The following MLPH variants were observed in gnomAD, a reference collection of about 807,000 sequenced individuals.
MLPH encodes melanophilin, also known as exophilin-3.
A neutral mutation model predicts 72.1 loss-of-function variants in MLPH; 51 were observed. The ratio of observed to expected loss-of-function variants is 0.71; its 90% CI spans 0.56 to 0.89. The LOEUF is 0.89. Ranked by LOEUF, MLPH falls within the 40% of genes least tolerant of loss-of-function variation. The probability of loss-of-function intolerance (pLI) is 0.00; values close to 1 mark genes in which losing one functional copy is unlikely to be tolerated. For synonymous variants in MLPH, 301 were observed against 310.1 expected, an observed-to-expected ratio of 0.97 and a Z score of 0.31; for missense variants, 743 against 759.9, an observed-to-expected ratio of 0.98 and a Z score of 0.26.
chr2:237,489,959 C>G (rs573162470), intron 1 of MLPH, among the ~76,000 whole-genome samples: 2 of 152,370 alleles, frequency 1.3e-5, no homozygotes, highest in East Asian at 3.9e-4. Context: ...TCCCGTCCCT[C>G]TGCCCCACTA....
intron 1 of MLPH, among the ~76,000 whole-genome samples, chr2:237,488,441 G>T (rs915044428): frequency 1.3e-5 from 2 of 152,060 alleles, no homozygotes; most frequent in African/African-American, 4.8e-5. Flanking sequence ...GCCTGCATCT[G>T]TCCTAGGAAA....
In MLPH at chr2:237,553,531, G is replaced by A. The variant is rs899007358; in HGVS notation, c.1777-35G>A. On this transcript the variant is annotated intron_variant, in intron 15 of 15. Coordinates refer to ENST00000264605, the MANE Select transcript of MLPH (RefSeq NM_024101.7). ...CTGTGTTACATGCCTGTGTATGTGTGTGCTTATATGTGCATGTGTGTTTGT... is the reference window on the plus strand; with the variant it reads ...CTGTGTTACATGCCTGTGTATGTGTATGCTTATATGTGCATGTGTGTTTGT... The A allele has an allele frequency of 4.4e-6, 7 of 1,606,054 alleles. No homozygotes were observed. The African/African-American group carries it at 6.7e-5, about 15-fold the overall frequency.
chr2:237,510,483 CTGTG>C lies in MLPH; in HGVS notation c.111-81_111-78del, dbSNP rs145624755. The C allele has an allele frequency of 1.1e-3, 1,253 of 1,120,538 alleles. 17 individuals carry two copies. The African/African-American group carries it at 0.017, about 15-fold the overall frequency. 69.4% of individuals were successfully genotyped at this position (1,120,538 alleles called of 1,614,324 possible). A position where few individuals can be genotyped will look rare whatever the true frequency, so the allele number is the denominator to read the frequency against. ...ACTGTGTGTGTGTATGTGTCTGTGT[CTGTG>C]TGTGTGTGTATGTACGTGTACACAC... On this transcript the variant is annotated intron_variant, in intron 2 of 15. Transcript: ENST00000264605. The surrounding 1 kb of genome is among the most constrained non-coding windows in gnomAD (Gnocchi z 4.4).
rs1048966953 is a variant in MLPH at position 237,552,348 on chromosome 2, G to T, written c.1687G>T (p.Asp563Tyr). The T allele has an allele frequency of 6.2e-7, 1 of 1,614,006 alleles. No individual in the cohort carries two copies. Among genetic ancestry groups the T allele is most frequent in the Admixed American group, 1.7e-5 (1 of 60,010 alleles). The stretch of plus-strand genomic sequence containing the variant: ...TGTTTTCCCCAAAGGTAAAGATGAT[G>T]ATTCTTTTGATCGGAAATCAGTGTA... ...NSLKSQGKDD[D>Y]SFDRKSVYRG... is the part of the protein sequence containing the mutation. The change falls in exon 15 of 16, where the codon GAT becomes TAT. Residue 563 changes from aspartate (D) to tyrosine (Y), a missense_variant. Coordinates refer to ENST00000264605, the MANE Select transcript of MLPH (RefSeq NM_024101.7).
At chr2:237,515,114 G>T (rs182513501) in intron 4 of MLPH, among the ~76,000 whole-genome samples, 2 of 152,326 alleles carry the variant, frequency 1.3e-5, no homozygotes, top group African/African-American at 4.8e-5. Context: ...AAAGATCACT[G>T]CTGGCTCAGG....
At chr2:237,530,103 C>G (rs900536828) in intron 8 of MLPH, among the ~76,000 whole-genome samples, 4 of 152,340 alleles carry the variant, frequency 2.6e-5, no homozygotes, top group African/African-American at 9.6e-5. Context: ...CACAGGACGA[C>G]CTGAGATGGA....
Position 237,508,602 on chromosome 2 carries a change from C to G in MLPH, c.111-1972C>G, listed in dbSNP as rs181613004. On this transcript the variant is annotated intron_variant, in intron 2 of 15. Coordinates refer to ENST00000264605, the MANE Select transcript of MLPH (RefSeq NM_024101.7). ...TAGCTTTGGCCTTGTGACTCACCCCCCTAAAGGATCTTAGGAACCTCCAGA... is the reference window on the plus strand; with the variant it reads ...TAGCTTTGGCCTTGTGACTCACCCCGCTAAAGGATCTTAGGAACCTCCAGA... 1.6e-4 allele frequency among the ~76,000 whole-genome samples: 25 copies of G among 152,304 alleles called. No individual in the cohort carries two copies. In the East Asian group the frequency reaches 3.5e-3, roughly 21 times the overall value.
At chr2:237,494,724 A>C (rs1006171741) in intron 2 of MLPH, among the ~76,000 whole-genome samples, 1 of 152,186 alleles carries the variant, frequency 6.6e-6, no homozygotes, top group African/African-American at 2.4e-5. Context: ...GAAATGTTTC[A>C]GGCATGTTGA....
chr2:237,507,062 C>CTTTTTT (rs61091364), intron 2 of MLPH, among the ~76,000 whole-genome samples: 9 of 94,546 alleles, frequency 9.5e-5, no homozygotes, highest in African/African-American at 1.3e-4. Flanking sequence ...TTTTTTTTTT[C>CTTTTTT]TTTTTTTTTT....
intron 1 of MLPH, among the ~76,000 whole-genome samples, chr2:237,489,650 C>T (rs937697034): frequency 6.6e-6 from 1 of 152,206 alleles, no homozygotes; most frequent in African/African-American, 2.4e-5. Flanking sequence ...CACCTTGGCT[C>T]TGAGTCAGAG....
intron 4 of MLPH, among the ~76,000 whole-genome samples, chr2:237,516,089 T>A (rs1045991615): frequency 1.3e-5 from 2 of 152,222 alleles, no homozygotes; most frequent in African/African-American, 4.8e-5. Flanking sequence ...CTGTGACCCG[T>A]GAGGCACAGA....
intron 6 of MLPH, among the ~76,000 whole-genome samples, chr2:237,524,367 G>A (rs974856254): frequency 2.7e-5 from 4 of 148,296 alleles, no homozygotes; most frequent in East Asian, 3.9e-4. Flanking sequence ...CGAGTCCCAC[G>A]ATAGGCTGTC....
At chr2:237,491,786 G>T (rs971430788) in intron 1 of MLPH, among the ~76,000 whole-genome samples, 1 of 152,186 alleles carries the variant, frequency 6.6e-6, no homozygotes, top group African/African-American at 2.4e-5. Context: ...TGTGAGGCCT[G>T]TGTGATATTG....
intron 6 of MLPH, among the ~76,000 whole-genome samples, chr2:237,523,324 A>G (rs1207570288): frequency 6.6e-6 from 1 of 152,198 alleles, no homozygotes; most frequent in East Asian, 1.9e-4. Flanking sequence ...GGTAACAGTA[A>G]TTGGTAAGAT....
At chr2:237,509,768 C>G (rs1342536791) in intron 2 of MLPH, among the ~76,000 whole-genome samples, 1 of 152,072 alleles carries the variant, frequency 6.6e-6, no homozygotes, top group East Asian at 1.9e-4. Context: ...CTCCCCCTGC[C>G]TGGTGGGACT....
intron 14 of MLPH, among the ~76,000 whole-genome samples, 181 bp downstream of exon 14, chr2:237,549,459 T>C (rs938172209): frequency 6.6e-6 from 1 of 152,214 alleles, no homozygotes; most frequent in African/African-American, 2.4e-5. Flanking sequence ...GTTGGTGTTC[T>C]GGACAGCTGG....
rs1439707608 is a variant in MLPH at position 237,510,323 on chromosome 2, C to T, written c.111-251C>T. On this transcript the variant is annotated intron_variant, in intron 2 of 15. Coordinates refer to ENST00000264605, the MANE Select transcript of MLPH (RefSeq NM_024101.7). This position sits in a 1 kb window ranked among gnomAD's most constrained non-coding sequence, Gnocchi z 4.4. ...CCACAGAAATGCTTAAATGCAATAT[C>T]ATTTCTATGAAATTAACGTGTTTCC... is the stretch of plus-strand genomic sequence containing the variant. The T allele has an allele frequency of 1.4e-5, 8 of 566,464 alleles. No individual in the cohort carries two copies. Among genetic ancestry groups the T allele is most frequent in the Non-Finnish European group, 2.5e-5 (8 of 314,356 alleles). 35.1% of individuals were successfully genotyped at this position (566,464 alleles called of 1,614,324 possible). A position where few individuals can be genotyped will look rare whatever the true frequency, so the allele number is the denominator to read the frequency against.
At chr2:237,548,441 C>T (rs1435010257) in intron 13 of MLPH, among the ~76,000 whole-genome samples, 1 of 152,192 alleles carries the variant, frequency 6.6e-6, no homozygotes, top group Admixed American at 6.5e-5. Flanking sequence ...GGAAAAGAGA[C>T]AGGAGGAGAA....
In MLPH at chr2:237,521,515, A is replaced by C. The variant is rs561545290; in HGVS notation, c.675+1486A>C. On this transcript the variant is annotated intron_variant, in intron 6 of 15. Coordinates refer to ENST00000264605, the MANE Select transcript of MLPH (RefSeq NM_024101.7). Reference sequence around the variant, plus strand: ...AAGGCGTGGGTGCAGATGTGAAGGAATGCTAGGTGTGGCTGATTAATGCCA... The same window carrying C: ...AAGGCGTGGGTGCAGATGTGAAGGACTGCTAGGTGTGGCTGATTAATGCCA... Among the ~76,000 whole-genome samples the C allele has an allele frequency of 1.6e-4, 25 of 152,318 alleles. No homozygotes were observed. The South Asian group carries it at 5.0e-3, about 30-fold the overall frequency.
Sources: allele counts gnomAD v4.1 joint callset (sites outside exome capture counted in the v4.1 genomes callset), GRCh38; gene constraint gnomAD v4.1.1; non-coding constraint Gnocchi (gnomAD v3.1); transcripts MANE v1.5; gene names NCBI Gene and HGNC (gene_info 2026-07-23, HGNC 2026-07-21).